The following LRMDA variants were observed in gnomAD, a reference collection of about 807,000 sequenced individuals.
The protein encoded by LRMDA is leucine-rich melanocyte differentiation-associated protein.
LRMDA carries 18 observed loss-of-function variants against 29.8 expected under a neutral mutation model. The observed-to-expected ratio is 0.60, with a 90% CI of 0.42 to 0.90. The LOEUF (loss-of-function observed/expected upper bound fraction) is 0.90, where lower values mean the gene tolerates loss of function less well. Ranked by LOEUF, LRMDA falls within the 40% of genes least tolerant of loss-of-function variation. LRMDA has a pLI of 0.00. For missense variants in LRMDA, 273 were observed against 273.9 expected, an observed-to-expected ratio of 1.00 and a Z score of 0.02; for synonymous variants, 125 against 109.4, an observed-to-expected ratio of 1.14 and a Z score of -0.89.
chr10:76,552,265 C>T (rs1222578604), intron 6 of LRMDA, among the ~76,000 whole-genome samples: 4 of 152,156 alleles, frequency 2.6e-5, no homozygotes, highest in South Asian at 4.1e-4. Flanking sequence ...CTGTTGAATA[C>T]GGAGTTATGA....
chr10:75,692,430 TAC>T (rs1220068221), intron 2 of LRMDA, among the ~76,000 whole-genome samples: 1 of 148,234 alleles, frequency 6.7e-6, no homozygotes, highest in Non-Finnish European at 1.5e-5. Flanking sequence ...CATATATATA[TAC>T]ACACATACAT....
At chr10:76,285,016 A>T (rs191726098) in intron 5 of LRMDA, among the ~76,000 whole-genome samples, 79 of 152,272 alleles carry the variant, frequency 5.2e-4, no homozygotes, top group African/African-American at 1.9e-3. Context: ...GAGAATAGAT[A>T]ATACAGGGAT....
chr10:76,514,322 T>G (rs531032108), intron 6 of LRMDA, among the ~76,000 whole-genome samples: 1 of 152,150 alleles, frequency 6.6e-6, no homozygotes, highest in African/African-American at 2.4e-5. Flanking sequence ...GCTCCCCAGG[T>G]GATAGTGGCC....
intron 2 of LRMDA, among the ~76,000 whole-genome samples, chr10:75,899,645 A>G (rs1046628799): frequency 2.6e-5 from 4 of 152,144 alleles, no homozygotes; most frequent in African/African-American, 9.7e-5. Flanking sequence ...TTCCTTTCCA[A>G]AAATGGCCAA....
intron 6 of LRMDA, among the ~76,000 whole-genome samples, chr10:76,420,953 G>A (rs111759028): frequency 4.2e-4 from 64 of 152,230 alleles, no homozygotes; most frequent in South Asian, 6.2e-4. Flanking sequence ...TAATTTGGGT[G>A]AATGTTCTCT....
rs1345051863 is a variant in LRMDA at position 75,693,767 on chromosome 10, A to G, written c.131+255273A>G. ...AATGTCTGGAAAATATCAGGGAGTC[A>G]TTTATCAACCTGTTTTCATTAGCAT... On this transcript the variant is annotated intron_variant, in intron 2 of 6. Coordinates refer to ENST00000611255, the MANE Select transcript of LRMDA (RefSeq NM_001305581.2). Among the ~76,000 whole-genome samples the G allele has an allele frequency of 2.0e-5, 3 of 152,170 alleles. No individual in the cohort carries two copies. The South Asian group carries it at 6.2e-4, about 32-fold the overall frequency.
chr10:75,883,267 G>A (rs1302897756), intron 2 of LRMDA: 2 of 152,306 alleles, frequency 1.3e-5, no homozygotes, highest in East Asian at 3.9e-4. Context: ...TTGGCTTCCT[G>A]GTCTGAACCC....
chr10:75,715,502 A>G (rs375192279), intron 2 of LRMDA, among the ~76,000 whole-genome samples: 1 of 152,116 alleles, frequency 6.6e-6, no homozygotes, highest in East Asian at 1.9e-4. Context: ...GGATCATTCT[A>G]TAATCTTACT....
chr10:75,745,450 G>T (rs1842880352), intron 2 of LRMDA, among the ~76,000 whole-genome samples: 1 of 152,054 alleles, frequency 6.6e-6, no homozygotes, highest in Non-Finnish European at 1.5e-5. Flanking sequence ...CAGCAACTTT[G>T]TGCCCTGTGT....
intron 5 of LRMDA, among the ~76,000 whole-genome samples, chr10:76,167,597 G>T (rs1045972849): frequency 6.6e-6 from 1 of 152,060 alleles, no homozygotes; most frequent in Non-Finnish European, 1.5e-5. Context: ...TCTTTATTCT[G>T]TTCCATTGGT....
chr10:76,341,050 C>T (rs1841035645), intron 6 of LRMDA, among the ~76,000 whole-genome samples: 1 of 152,072 alleles, frequency 6.6e-6, no homozygotes, highest in South Asian at 2.1e-4. Flanking sequence ...ACCTAATGCT[C>T]TGTGTTGTGG....
At chr10:76,093,567 C>T (rs1288818372) in intron 5 of LRMDA, among the ~76,000 whole-genome samples, 1 of 152,128 alleles carries the variant, frequency 6.6e-6, no homozygotes, top group African/African-American at 2.4e-5. Flanking sequence ...TTCCATTCTC[C>T]TTTCCTTCTC....
At chr10:76,078,854 C>A (rs58339621) in intron 5 of LRMDA, among the ~76,000 whole-genome samples, 8,669 of 151,506 alleles carry the variant, frequency 0.057, 649 homozygotes, top group African/African-American at 0.17. Flanking sequence ...AACAAACAAA[C>A]AAAAAAAATG....
At chr10:75,799,771 C>G (rs1843717252) in intron 2 of LRMDA, among the ~76,000 whole-genome samples, 2 of 151,322 alleles carry the variant, frequency 1.3e-5, no homozygotes, top group African/African-American at 2.4e-5. Flanking sequence ...GTCTTGAACT[C>G]CTGGCCTCAA....
chr10:75,939,600 AAG>A (rs1846353750), intron 2 of LRMDA, among the ~76,000 whole-genome samples: 2 of 152,112 alleles, frequency 1.3e-5, no homozygotes, highest in African/African-American at 4.8e-5. Flanking sequence ...ACCCATGGGA[AAG>A]AGAGAGTGTT....
chr10:75,732,180 G>A (rs1018338538), intron 2 of LRMDA, among the ~76,000 whole-genome samples: 7 of 152,096 alleles, frequency 4.6e-5, no homozygotes, highest in Admixed American at 4.6e-4. Context: ...GCTGAATGAT[G>A]GAATCCTTTA....
At chr10:75,490,783 G>A (rs1247062979) in intron 2 of LRMDA, among the ~76,000 whole-genome samples, 1 of 152,140 alleles carries the variant, frequency 6.6e-6, no homozygotes, top group East Asian at 1.9e-4. Flanking sequence ...AGAAGAAATT[G>A]TGTTTTGTCT....
At chr10:76,517,939 CATATAT>C (rs71024602) in intron 6 of LRMDA, among the ~76,000 whole-genome samples, 1 of 144,254 alleles carries the variant, frequency 6.9e-6, no homozygotes, top group African/African-American at 2.5e-5. Flanking sequence ...TATATATAAA[CATATAT>C]ATATATATAT....
At chr10:75,604,034 A>G (rs750799177) in intron 2 of LRMDA, among the ~76,000 whole-genome samples, 1 of 152,132 alleles carries the variant, frequency 6.6e-6, no homozygotes, top group South Asian at 2.1e-4. Flanking sequence ...TTCCCCATAC[A>G]TTGTAATGAT....
Sources: allele counts gnomAD v4.1 joint callset (sites outside exome capture counted in the v4.1 genomes callset), GRCh38; gene constraint gnomAD v4.1.1; transcripts MANE v1.5; gene names NCBI Gene and HGNC (gene_info 2026-07-23, HGNC 2026-07-21).